Variants in FMN2 observed in about 807,000 individuals in gnomAD.
FMN2 encodes the protein formin-2.
Under a neutral mutation model 142.3 loss-of-function variants are expected in FMN2, and 51 were observed. That is an observed-to-expected ratio of 0.36 (90% CI 0.29 to 0.45). The LOEUF (loss-of-function observed/expected upper bound fraction) is 0.45, where lower values mean the gene tolerates loss of function less well. Among genes scored for constraint, FMN2 ranks in the 20% least tolerant of loss-of-function variants. The probability of loss-of-function intolerance (pLI) is 1.00; values close to 1 mark genes in which losing one functional copy is unlikely to be tolerated. For missense variants in FMN2, 1,936 were observed against 2,122.8 expected (o/e 0.91, Z 1.73); for synonymous variants, 882 against 869.8 (o/e 1.01, Z -0.25).
chr1:240,450,983 G>A (rs1452439182), intron 16 of FMN2, among the ~76,000 whole-genome samples: 1 of 152,184 alleles, frequency 6.6e-6, no homozygotes. Flanking sequence ...TTGTGCTACT[G>A]TACGGTCAGA....
intron 16 of FMN2, among the ~76,000 whole-genome samples, chr1:240,440,198 C>T (rs73130221): frequency 1.7e-3 from 253 of 152,246 alleles, no homozygotes; most frequent in Middle Eastern, 0.01. Context: ...CCCTCCCTGT[C>T]GCTTTCTTCT....
intron 16 of FMN2, among the ~76,000 whole-genome samples, chr1:240,459,717 TAAAAAAAAAAAAAA>T (rs57065226): frequency 5.1e-4 from 34 of 67,126 alleles, no homozygotes; most frequent in South Asian, 1.9e-3. Context: ...ACTCTGTCTC[TAAAAAAAAAAAAAA>T]AAAAAAAAAA....
chr1:240,246,105 A>T (rs1264752254), intron 6 of FMN2, among the ~76,000 whole-genome samples: 1 of 152,098 alleles, frequency 6.6e-6, no homozygotes, highest in Non-Finnish European at 1.5e-5. Flanking sequence ...ACGTGAACCC[A>T]GGAGGCGGAG....
At chr1:240,431,423 T>TATATACAC (rs1491221486) in intron 15 of FMN2, among the ~76,000 whole-genome samples, 1 of 130,920 alleles carries the variant, frequency 7.6e-6, no homozygotes, top group African/African-American at 2.8e-5. Context: ...TATATATATA[T>TATATACAC]ACATATATAT....
chr1:240,111,769 G>A (rs1661816839), intron 1 of FMN2, among the ~76,000 whole-genome samples: 1 of 152,040 alleles, frequency 6.6e-6, no homozygotes. Context: ...ATTTTACCCA[G>A]CCTCTATTCA....
At chr1:240,242,637 AGACAG>A (rs1437005049) in intron 6 of FMN2, among the ~76,000 whole-genome samples, 1 of 152,172 alleles carries the variant, frequency 6.6e-6, no homozygotes, top group Non-Finnish European at 1.5e-5. Context: ...CAAATGAGAG[AGACAG>A]GCTAGGAGAG....
intron 8 of FMN2, among the ~76,000 whole-genome samples, chr1:240,313,928 T>C (rs973595180): frequency 6.6e-6 from 1 of 152,054 alleles, no homozygotes. Context: ...GAGCCAAGAT[T>C]GAGCCACTGC....
intron 15 of FMN2, among the ~76,000 whole-genome samples, chr1:240,433,774 C>T (rs1675260440): frequency 6.6e-6 from 1 of 152,202 alleles, no homozygotes; most frequent in Non-Finnish European, 1.5e-5. Flanking sequence ...CTTCCCTCTG[C>T]TTCCTCCTAT....
chr1:240,276,412 A>G (rs1669214077), intron 7 of FMN2, among the ~76,000 whole-genome samples: 1 of 152,130 alleles, frequency 6.6e-6, no homozygotes, highest in African/African-American at 2.4e-5. Context: ...GAAGAGTGTG[A>G]GGGACAATAT....
intron 7 of FMN2, among the ~76,000 whole-genome samples, chr1:240,280,536 G>C (rs991781749): frequency 2.0e-5 from 3 of 152,076 alleles, no homozygotes; most frequent in Non-Finnish European, 4.4e-5. Flanking sequence ...CCAGAGTTAG[G>C]GTTCTATTTC....
At chr1:240,326,594 T>C (rs1671178510) in intron 8 of FMN2, among the ~76,000 whole-genome samples, 1 of 152,318 alleles carries the variant, frequency 6.6e-6, no homozygotes, top group Non-Finnish European at 1.5e-5. Flanking sequence ...TGGAGTAGGA[T>C]TCTGGTCATT....
intron 15 of FMN2, among the ~76,000 whole-genome samples, chr1:240,399,760 C>T (rs1301215452): frequency 6.6e-6 from 1 of 152,032 alleles, no homozygotes; most frequent in Non-Finnish European, 1.5e-5. Context: ...GAATGCTGGG[C>T]CCCAGTGCTT....
At chr1:240,145,308 C>T (rs552516000) in intron 2 of FMN2, 12 of 1,248,338 alleles carry the variant, frequency 9.6e-6, no homozygotes, top group South Asian at 8.7e-5. Context: ...TCATCCATGC[C>T]GCTGAGGGCC....
At chr1:240,448,842 T>C (rs1675911854) in intron 16 of FMN2, among the ~76,000 whole-genome samples, 3 of 151,794 alleles carry the variant, frequency 2.0e-5, no homozygotes, top group African/African-American at 2.4e-5. Context: ...TAATTCAATA[T>C]GATAAAAAGT....
chr1:240,220,938 A>C (rs1466468494), intron 6 of FMN2, among the ~76,000 whole-genome samples: 1 of 151,036 alleles, frequency 6.6e-6, no homozygotes, highest in African/African-American at 2.4e-5. Context: ...TCATTGTTCA[A>C]CTCTCACTTA....
chr1:240,153,626 A>G (rs1663880453), intron 2 of FMN2, among the ~76,000 whole-genome samples: 1 of 151,986 alleles, frequency 6.6e-6, no homozygotes, highest in South Asian at 2.1e-4. Flanking sequence ...GAATTCCCAA[A>G]GTGTTGGGAT....
Position 240,187,128 on chromosome 1 carries a change from G to T in FMN2, c.1931-1079G>T, listed in dbSNP as rs529803165. Among the ~76,000 whole-genome samples, 12 of 151,176 alleles carry T rather than the reference G, an allele frequency of 7.9e-5. 1 individual carries two copies. The highest frequency in any genetic ancestry group is 7.9e-4 in the Admixed American group (12 of 15,210). ...AAAAAAAAAAAAAAAAAATTAGCTG[G>T]GTGTGGTGGCGGGTGCCTATAATCC... On this transcript the variant is annotated intron_variant, in intron 3 of 17. Transcript: ENST00000319653.
Position 240,329,430 on chromosome 1 carries a change from A to G in FMN2, c.4399A>G (p.Ile1467Val). 2 of 1,614,086 alleles carry G rather than the reference A, an allele frequency of 1.2e-6. No homozygotes were observed. The highest frequency in any genetic ancestry group is 1.1e-5 in the South Asian group (1 of 91,064). The change falls in exon 10 of 18, where the codon ATT (isoleucine) becomes GTT (valine). Residue 1467 changes from isoleucine (I) to valine (V), a missense_variant. This residue lies in a region of FMN2 where 322 missense variants were observed against 401.6 expected (regional missense o/e 0.80). Transcript: ENST00000319653. ...QSTFSESICS[I>V]RRKLELLQKL... is the part of the protein sequence containing the mutation. ...CACATTTTCAGAAAGCATTTGCTCA[A>G]TTCGTCGCAAACTGGAATTACTACA...
chr1:240,223,378 C>T (rs576296791), intron 6 of FMN2, among the ~76,000 whole-genome samples: 5 of 152,170 alleles, frequency 3.3e-5, no homozygotes, highest in East Asian at 1.9e-4. Flanking sequence ...CTGCTGGATT[C>T]GGTTTGCCAT....
Sources: gnomAD v4.1 joint callset for allele counts (sites outside exome capture counted in the v4.1 genomes callset) on GRCh38, gnomAD v4.1.1 for gene constraint, gnomAD v4.1.1 regional missense constraint, MANE v1.5 for transcripts, NCBI Gene and HGNC (gene_info 2026-07-23, HGNC 2026-07-21) for gene names.